CCNJL: variants seen among roughly 807,000 people sequenced by gnomAD.
The protein encoded by CCNJL is cyclin-J-like protein.
In CCNJL, 33 loss-of-function variants were observed where a neutral mutation model predicts 33.4. That is an observed-to-expected ratio of 0.99 (90% CI 0.75 to 1.32). CCNJL has a LOEUF of 1.32. Ranked by LOEUF, CCNJL falls within the 40% of genes most tolerant of loss-of-function variation. The pLI is 0.00. For synonymous variants in CCNJL, 227 were observed against 220.9 expected, an observed-to-expected ratio of 1.03 and a Z score of -0.24; for missense variants, 512 against 499.7, an observed-to-expected ratio of 1.02 and a Z score of -0.23.
intron 3 of CCNJL, among the ~76,000 whole-genome samples, chr5:160,264,076 C>T (rs1580956296): frequency 6.6e-6 from 1 of 151,664 alleles, no homozygotes; most frequent in Non-Finnish European, 1.5e-5. Flanking sequence ...CTCCTGAGTA[C>T]CTAGGTATAT....
intron 2 of CCNJL, among the ~76,000 whole-genome samples, chr5:160,298,925 T>C (rs916063806): frequency 6.6e-6 from 1 of 152,196 alleles, no homozygotes; most frequent in African/African-American, 2.4e-5. Context: ...TCAGGCAGGG[T>C]AGGGGACCAT....
At chr5:160,275,363 G>A (rs879499180) in intron 3 of CCNJL, among the ~76,000 whole-genome samples, 18 of 152,260 alleles carry the variant, frequency 1.2e-4, no homozygotes, top group Non-Finnish European at 2.4e-4. Context: ...TGGGGTAACA[G>A]GCTTGAGTCA....
chr5:160,259,427 G>A (rs772364645), intron 4 of CCNJL, 42 bp downstream of exon 4: 8 of 1,566,340 alleles, frequency 5.1e-6, no homozygotes, highest in Non-Finnish European at 6.9e-6. Flanking sequence ...CTGGGTGGTG[G>A]GGAAGGGGTG....
chr5:160,260,719 C>G (rs1042075387), intron 3 of CCNJL, among the ~76,000 whole-genome samples: 1 of 152,132 alleles, frequency 6.6e-6, no homozygotes, highest in African/African-American at 2.4e-5. Flanking sequence ...CCACAGGTGG[C>G]CGTGGACCCT....
In CCNJL at chr5:160,252,648, T is replaced by G. The variant is rs985144474; in HGVS notation, c.*730A>C. On this transcript the variant is annotated 3_prime_UTR_variant, in exon 6 of 6. Transcript: ENST00000257536. ...GGGTTCCAAATTAACAGCCCTCATGTGGGACAGGCAGTGTGGCAATTAAAT... is the reference window on the plus strand; with the variant it reads ...GGGTTCCAAATTAACAGCCCTCATGGGGGACAGGCAGTGTGGCAATTAAAT... 6.5e-6 allele frequency: 1 copy of G among 152,680 alleles called. No homozygotes were observed. Among genetic ancestry groups the G allele is most frequent in the African/African-American group, 2.4e-5 (1 of 41,464 alleles). 9.5% of individuals were successfully genotyped at this position (152,680 alleles called of 1,614,324 possible).
At chr5:160,266,444 C>T (rs571560905) in intron 3 of CCNJL, among the ~76,000 whole-genome samples, 44 of 152,314 alleles carry the variant, frequency 2.9e-4, no homozygotes, top group Non-Finnish European at 3.7e-4. Flanking sequence ...CCGGTGTGAC[C>T]AGGGACAGCC....
chr5:160,320,850 C>CTTTCT (rs1491096774), intron 1 of CCNJL, among the ~76,000 whole-genome samples: 5 of 55,568 alleles, frequency 9.0e-5, no homozygotes, highest in Admixed American at 2.1e-4. Flanking sequence ...TCTTTCTTTC[C>CTTTCT]TTCTTTCTTT....
At chr5:160,297,922 A>AC (rs1399300725) in intron 2 of CCNJL, among the ~76,000 whole-genome samples, 1 of 151,900 alleles carries the variant, frequency 6.6e-6, no homozygotes, top group Non-Finnish European at 1.5e-5. Context: ...TGCTCCACCA[A>AC]CCCCCGCCTT....
At position 160,252,339 on chromosome 5, in the gene CCNJL, T is replaced by C. The variant is rs1760842140; in HGVS notation, c.*1039A>G. The C allele has an allele frequency of 6.6e-6, 1 of 152,462 alleles. No homozygotes were observed. Among genetic ancestry groups the C allele is most frequent in the African/African-American group, 2.4e-5 (1 of 41,432 alleles). 9.4% of individuals were successfully genotyped at this position (152,462 alleles called of 1,614,324 possible). On this transcript the variant is annotated 3_prime_UTR_variant, in exon 6 of 6. Transcript: ENST00000257536. ...GGTGGGACTAAGCAAATTTTCCACATTGCTATCCTTCGCTATCAGCCACAC... is the reference window on the plus strand; with the variant it reads ...GGTGGGACTAAGCAAATTTTCCACACTGCTATCCTTCGCTATCAGCCACAC...
At chr5:160,258,275 C>T (rs1561771509) in intron 4 of CCNJL, 4 of 714,680 alleles carry the variant, frequency 5.6e-6, no homozygotes, top group Non-Finnish European at 1.0e-5. Flanking sequence ...AAGGCTGTTG[C>T]AGCATCAGGC....
chr5:160,286,651 A>C (rs1406801709), intron 2 of CCNJL, among the ~76,000 whole-genome samples: 4 of 152,112 alleles, frequency 2.6e-5, no homozygotes, highest in Admixed American at 6.6e-5. Context: ...AAAAAAGCAA[A>C]GAAAAGAAAA....
chr5:160,259,699 T>C lies in CCNJL; in HGVS notation c.353A>G (p.Gln118Arg), dbSNP rs1320510801. 1.9e-6 allele frequency: 3 copies of C among 1,614,098 alleles called. No individual in the cohort carries two copies. Among genetic ancestry groups the C allele is most frequent in the Non-Finnish European group, 2.5e-6 (3 of 1,180,040 alleles). The change falls in exon 4 of 6, where the codon CAG becomes CGG. Residue 118 changes from glutamine to arginine, a missense_variant. Physicochemically the swap from Gln to Arg is conservative, Grantham distance 43 (BLOSUM62 1). Transcript: ENST00000257536. Reference protein sequence around the residue: ...QINSTRILSSQNFTLTKKELL... With the variant: ...QINSTRILSSRNFTLTKKELL... ...CTCCTTCTTGGTGAGGGTGAAGTTC[T>C]GGCTGCTCAGGATCCTCGTGCTGTT...
At chr5:160,294,124 A>T (rs1490662786) in intron 2 of CCNJL, among the ~76,000 whole-genome samples, 1 of 152,200 alleles carries the variant, frequency 6.6e-6, no homozygotes, top group Admixed American at 6.5e-5. Flanking sequence ...AAAGTGGCAA[A>T]GAAAGGGGGA....
chr5:160,283,550 G>A (rs1021693955), intron 2 of CCNJL, among the ~76,000 whole-genome samples: 3 of 152,144 alleles, frequency 2.0e-5, no homozygotes, highest in Non-Finnish European at 2.9e-5. Flanking sequence ...TTTGATACAG[G>A]TATGCAATGT....
intron 4 of CCNJL, chr5:160,258,222 T>C: frequency 1.7e-6 from 1 of 600,214 alleles, no homozygotes; most frequent in South Asian, 1.8e-5. Context: ...AGTATTTTTT[T>C]TTTTTTTAAG....
intron 3 of CCNJL, among the ~76,000 whole-genome samples, chr5:160,265,821 C>G (rs1157412963): frequency 6.7e-6 from 1 of 149,310 alleles, no homozygotes; most frequent in Non-Finnish European, 1.5e-5. Context: ...GCACTGCACT[C>G]TAGCCTGGGC....
At position 160,311,909 on chromosome 5, in the gene CCNJL, C is replaced by G. The variant is rs777398379; in HGVS notation, c.15G>C (p.Pro5=). The change falls in exon 2 of 6, where the codon CCG becomes CCC. Residue 5 remains proline, a synonymous_variant. Coordinates refer to ENST00000257536, the MANE Select transcript of CCNJL (RefSeq NM_001308173.3). ...CCGAGGCGACGCGCCCTTCCCACCACGGCTCATCCATCATCGCGTACGCAG... is the reference window on the plus strand; with the variant it reads ...CCGAGGCGACGCGCCCTTCCCACCAGGGCTCATCCATCATCGCGTACGCAG... MMDE[P]WWEGRVASDV... 3.4e-5 allele frequency: 55 copies of G among 1,614,182 alleles called. No individual in the cohort carries two copies. Among genetic ancestry groups the G allele is most frequent in the Non-Finnish European group, 4.6e-5 (54 of 1,179,994 alleles).
intron 3 of CCNJL, 45 bp from the exon 4 acceptor site, chr5:160,259,816 C>G (rs748754628): frequency 1.2e-5 from 19 of 1,526,646 alleles, no homozygotes; most frequent in Non-Finnish European, 1.5e-5. Context: ...AGACATTTAC[C>G]TGAACCCAGG....
chr5:160,288,195 G>C (rs1762470557), intron 2 of CCNJL, among the ~76,000 whole-genome samples: 1 of 151,578 alleles, frequency 6.6e-6, no homozygotes, highest in East Asian at 1.9e-4. Context: ...CAGTGGCTAC[G>C]GAGGAGAGGT....
Sources: gnomAD v4.1 joint callset for allele counts (sites outside exome capture counted in the v4.1 genomes callset) on GRCh38, gnomAD v4.1.1 for gene constraint, MANE v1.5 for transcripts, NCBI Gene and HGNC (gene_info 2026-07-23, HGNC 2026-07-21) for gene names.